The following ARHGAP15 variants were observed in gnomAD, a reference collection of about 807,000 sequenced individuals.
ARHGAP15 encodes Rho GTPase activating protein 15.
ARHGAP15 carries 51 observed loss-of-function variants against 63.7 expected under a neutral mutation model. That is an observed-to-expected ratio of 0.80 (90% CI 0.64 to 1.01). The LOEUF is 1.01. Ranked by LOEUF, ARHGAP15 falls within the 50% of genes least tolerant of loss-of-function variation. The pLI, the probability that ARHGAP15 is intolerant of heterozygous loss-of-function variation, is 0.00. For missense variants in ARHGAP15, 560 were observed against 564.6 expected (o/e 0.99, Z 0.08); for synonymous variants, 191 against 193.8 (o/e 0.99, Z 0.12).
intron 4 of ARHGAP15, among the ~76,000 whole-genome samples, chr2:143,219,631 T>G (rs35165674): frequency 0.15 from 22,506 of 152,238 alleles, 1,747 homozygotes; most frequent in Middle Eastern, 0.25. Flanking sequence ...ATCTACTGAC[T>G]ACTGTTGTCA....
At chr2:143,642,923 G>A (rs1435104700) in intron 12 of ARHGAP15, among the ~76,000 whole-genome samples, 1 of 152,128 alleles carries the variant, frequency 6.6e-6, no homozygotes, top group Non-Finnish European at 1.5e-5. Flanking sequence ...GGAAACAAAG[G>A]AGAGCAGATA....
chr2:143,672,616 A>T (rs1682583165), intron 12 of ARHGAP15, among the ~76,000 whole-genome samples: 1 of 152,228 alleles, frequency 6.6e-6, no homozygotes, highest in Non-Finnish European at 1.5e-5. Context: ...CCACTGATAC[A>T]TGTAAAATGG....
Position 143,368,050 on chromosome 2 carries a change from G to A in ARHGAP15, c.475-67551G>A, listed in dbSNP as rs571907397. On this transcript the variant is annotated intron_variant, in intron 6 of 13. Transcript: ENST00000295095. The stretch of plus-strand genomic sequence containing the variant: ...GAGGTAATTAACTGATAAGAAAGTG[G>A]TGCATATATGCTAACATCATTAATC... 7.2e-5 allele frequency among the ~76,000 whole-genome samples: 11 copies of A among 152,076 alleles called. No homozygotes were observed. The East Asian group carries it at 1.5e-3, about 21-fold the overall frequency.
chr2:143,187,208 T>G (rs755373944), intron 2 of ARHGAP15, among the ~76,000 whole-genome samples: 1 of 152,166 alleles, frequency 6.6e-6, no homozygotes, highest in Non-Finnish European at 1.5e-5. Context: ...GACTATTTCT[T>G]GGGGAAGACT....
At chr2:143,678,171 C>T (rs1190034480) in intron 12 of ARHGAP15, among the ~76,000 whole-genome samples, 2 of 152,084 alleles carry the variant, frequency 1.3e-5, no homozygotes, top group African/African-American at 4.8e-5. Flanking sequence ...GTGATCATGC[C>T]ACTACATTCC....
At chr2:143,528,017 G>A (rs768492024) in intron 10 of ARHGAP15, among the ~76,000 whole-genome samples, 2 of 152,110 alleles carry the variant, frequency 1.3e-5, no homozygotes, top group African/African-American at 4.8e-5. Flanking sequence ...TCAATACACA[G>A]CTATGCTAAA....
At chr2:143,166,041 A>AAAAGAAAG (rs70982848) in intron 2 of ARHGAP15, among the ~76,000 whole-genome samples, 43 of 96,018 alleles carry the variant, frequency 4.5e-4, no homozygotes, top group African/African-American at 1.5e-3. Context: ...CAAAGGAAGA[A>AAAAGAAAG]AAAGAAAGAA....
In ARHGAP15 at chr2:143,172,514, G is replaced by A. The variant is rs748097691; in HGVS notation, c.165+16859G>A. Among the ~76,000 whole-genome samples, 8 of 152,216 alleles carry A rather than the reference G, an allele frequency of 5.3e-5. No homozygotes were observed. The East Asian group carries it at 9.7e-4, about 18-fold the overall frequency. On this transcript the variant is annotated intron_variant, in intron 2 of 13. Coordinates refer to ENST00000295095, the MANE Select transcript of ARHGAP15 (RefSeq NM_018460.4). ...CATCCTATTCTCTATTCAATAAATC[G>A]TGGTGGCTTGTGCTAGATTGGTTGA...
At chr2:143,659,847 C>T (rs1681658892) in intron 12 of ARHGAP15, among the ~76,000 whole-genome samples, 1 of 152,072 alleles carries the variant, frequency 6.6e-6, no homozygotes, top group African/African-American at 2.4e-5. Flanking sequence ...GTGTTCTGCC[C>T]ATTTCTCTGG....
At chr2:143,336,271 A>G (rs1264907941) in intron 6 of ARHGAP15, among the ~76,000 whole-genome samples, 4 of 152,182 alleles carry the variant, frequency 2.6e-5, no homozygotes, top group Non-Finnish European at 5.9e-5. Flanking sequence ...TCCCTGGGCA[A>G]TAGAGGAAAC....
intron 6 of ARHGAP15, among the ~76,000 whole-genome samples, chr2:143,298,011 T>C (rs1682722186): frequency 6.6e-6 from 1 of 152,030 alleles, no homozygotes; most frequent in Admixed American, 6.6e-5. Flanking sequence ...TGTAGACTTA[T>C]CATTTTAATT....
At chr2:143,662,988 T>C (rs1214839480) in intron 12 of ARHGAP15, among the ~76,000 whole-genome samples, 2 of 139,612 alleles carry the variant, frequency 1.4e-5, no homozygotes, top group African/African-American at 5.5e-5. Flanking sequence ...TGGAAAACAC[T>C]CTGCAGGATA....
At chr2:143,468,580 G>C (rs896830311) in intron 8 of ARHGAP15, among the ~76,000 whole-genome samples, 1 of 151,842 alleles carries the variant, frequency 6.6e-6, no homozygotes, top group Non-Finnish European at 1.5e-5. Context: ...AAATCCTAGA[G>C]ATTATAGCAC....
intron 8 of ARHGAP15, among the ~76,000 whole-genome samples, chr2:143,475,004 C>T (rs888004323): frequency 1.3e-5 from 2 of 152,204 alleles, no homozygotes; most frequent in African/African-American, 2.4e-5. Context: ...CCATTTGTCA[C>T]ACACATGGTG....
intron 6 of ARHGAP15, among the ~76,000 whole-genome samples, chr2:143,399,620 G>A (rs1687913667): frequency 6.6e-6 from 1 of 152,012 alleles, no homozygotes; most frequent in Non-Finnish European, 1.5e-5. Flanking sequence ...TAATATCTCT[G>A]TGAAATAGGT....
intron 11 of ARHGAP15, among the ~76,000 whole-genome samples, chr2:143,595,724 C>T (rs1697491001): frequency 6.6e-6 from 1 of 152,122 alleles, no homozygotes; most frequent in Non-Finnish European, 1.5e-5. Context: ...CTTGCCCACT[C>T]ATCCTTTCTT....
chr2:143,615,767 A>G (rs961745568), intron 11 of ARHGAP15, among the ~76,000 whole-genome samples: 4 of 152,334 alleles, frequency 2.6e-5, no homozygotes, highest in Admixed American at 6.5e-5. Context: ...CAAGCTTTCA[A>G]AAATGACTTT....
rs908791238 is a variant in ARHGAP15 at position 143,754,479 on chromosome 2, T to G, written c.1245-13510T>G. 2.0e-5 allele frequency among the ~76,000 whole-genome samples: 3 copies of G among 152,294 alleles called. No homozygotes were observed. In the East Asian group the frequency reaches 5.8e-4, roughly 29 times the overall value. On this transcript the variant is annotated intron_variant, in intron 13 of 13. Coordinates refer to ENST00000295095, the MANE Select transcript of ARHGAP15 (RefSeq NM_018460.4). ...CTCAGTCACTCTTCACAGAGTACTCTGTGAGCTATCTTTGGCCACCCTGCC... is the reference window on the plus strand; with the variant it reads ...CTCAGTCACTCTTCACAGAGTACTCGGTGAGCTATCTTTGGCCACCCTGCC...
chr2:143,503,381 A>G (rs1693162421), intron 9 of ARHGAP15, among the ~76,000 whole-genome samples: 1 of 152,224 alleles, frequency 6.6e-6, no homozygotes, highest in South Asian at 2.1e-4. Context: ...CTTATTCAGG[A>G]AAACAGAGTA....
Sources: gnomAD v4.1 joint callset for allele counts (sites outside exome capture counted in the v4.1 genomes callset) on GRCh38, gnomAD v4.1.1 for gene constraint, MANE v1.5 for transcripts, NCBI Gene and HGNC (gene_info 2026-07-23, HGNC 2026-07-21) for gene names.